THRB: variants seen among roughly 807,000 people sequenced by gnomAD.
The protein encoded by THRB is thyroid hormone receptor beta.
In THRB, 12 loss-of-function variants were observed where a neutral mutation model predicts 47.8. That is an observed-to-expected ratio of 0.25 (90% confidence interval 0.16 to 0.41). The LOEUF (loss-of-function observed/expected upper bound fraction) is 0.41, where lower values mean the gene tolerates loss of function less well. Ranked by LOEUF, THRB falls within the 10% of genes least tolerant of loss-of-function variation. THRB has a pLI of 1.00. For synonymous variants in THRB, 218 were observed against 212.2 expected, an observed-to-expected ratio of 1.03 and a Z score of -0.24; for missense variants, 348 against 589.2, an observed-to-expected ratio of 0.59 and a Z score of 4.24.
chr3:24,118,768 T>C lies in THRB; in HGVS notation c.*4116A>G, dbSNP rs980720098. 5 of 152,654 alleles carry C rather than the reference T, an allele frequency of 3.3e-5. No individual in the cohort carries two copies. Among genetic ancestry groups the C allele is most frequent in the Non-Finnish European group, 5.9e-5 (4 of 68,046 alleles). 9.5% of individuals were successfully genotyped at this position (152,654 alleles called of 1,614,324 possible). A position where few individuals can be genotyped will look rare whatever the true frequency, so the allele number is the denominator to read the frequency against. ...CATCCTGAGGAGGACAGATTTATATTTGATTGTCTTGTGCATAGGGTGGGT... is the reference window on the plus strand; with the variant it reads ...CATCCTGAGGAGGACAGATTTATATCTGATTGTCTTGTGCATAGGGTGGGT... On this transcript the variant is annotated 3_prime_UTR_variant, in exon 11 of 11. Transcript: ENST00000646209.
chr3:24,472,744 A>G (rs1694892444), intron 1 of THRB, among the ~76,000 whole-genome samples: 1 of 152,196 alleles, frequency 6.6e-6, no homozygotes, highest in African/African-American at 2.4e-5. Context: ...ATGGAAGGGA[A>G]CACTATTCAG....
At chr3:24,439,290 G>T (rs2071292600) in intron 1 of THRB, among the ~76,000 whole-genome samples, 1 of 152,140 alleles carries the variant, frequency 6.6e-6, no homozygotes, top group South Asian at 2.1e-4. Flanking sequence ...AGGGCAAGGG[G>T]ACTAGCCCTG....
intron 3 of THRB, among the ~76,000 whole-genome samples, chr3:24,234,371 A>G (rs1207374462): frequency 6.6e-6 from 1 of 152,152 alleles, no homozygotes; most frequent in Middle Eastern, 3.2e-3. Context: ...ATATAAGTTG[A>G]TGTAAATGTG....
At position 24,384,971 on chromosome 3, in the gene THRB, T is replaced by G. The variant is rs1022230058; in HGVS notation, c.-260-47600A>C. Among the ~76,000 whole-genome samples, 3 of 152,148 alleles carry G rather than the reference T, an allele frequency of 2.0e-5. No individual in the cohort carries two copies. The East Asian group carries it at 5.8e-4, about 29-fold the overall frequency. ...CATTGAGCCACAGATTGATGACTTG[T>G]GCACTGCATGAATATACTACTTCAA... On this transcript the variant is annotated intron_variant, in intron 1 of 10. Transcript: ENST00000646209.
In THRB at chr3:24,437,044, A is replaced by AT. The variant is rs1227361309; in HGVS notation, c.-261+57607dup. ...GTGCATGGACCTGGCACTTTTCTCCATTATCATAAAAATGTGTATATATAT... is the reference window on the plus strand; with the variant it reads ...GTGCATGGACCTGGCACTTTTCTCCATTTATCATAAAAATGTGTATATATAT... On this transcript the variant is annotated intron_variant, in intron 1 of 10. Coordinates refer to ENST00000646209, the MANE Select transcript of THRB (RefSeq NM_001354712.2). Among the ~76,000 whole-genome samples the AT allele has an allele frequency of 3.3e-5, 5 of 151,182 alleles. No homozygotes were observed. The East Asian group carries it at 9.7e-4, about 29-fold the overall frequency.
intron 8 of THRB, 51 bp downstream of exon 8, chr3:24,143,450 G>C (rs991521862): frequency 6.4e-7 from 1 of 1,554,790 alleles, no homozygotes. Context: ...ATAAATTGAG[G>C]TAGAAAACAC....
chr3:24,260,290 A>T (rs2051818074), intron 3 of THRB, among the ~76,000 whole-genome samples: 1 of 152,194 alleles, frequency 6.6e-6, no homozygotes. Flanking sequence ...CTAGCCAGGC[A>T]GCCCTTGCCG....
chr3:24,264,072 G>T (rs1183432984), intron 3 of THRB, among the ~76,000 whole-genome samples: 1 of 152,142 alleles, frequency 6.6e-6, no homozygotes, highest in African/African-American at 2.4e-5. Context: ...ACCAAACCCT[G>T]CAATGCTTTC....
chr3:24,243,379 CCT>C (rs1190085492), intron 3 of THRB, among the ~76,000 whole-genome samples: 1 of 152,112 alleles, frequency 6.6e-6, no homozygotes, highest in East Asian at 1.9e-4. Flanking sequence ...GCCCCATCTG[CCT>C]CTCTGTCTCT....
Position 24,164,448 on chromosome 3 carries a change from C to T in THRB, c.284-11958G>A, listed in dbSNP as rs2039346457. Among the ~76,000 whole-genome samples, 7 of 152,274 alleles carry T rather than the reference C, an allele frequency of 4.6e-5. No homozygotes were observed. In the South Asian group the frequency reaches 1.2e-3, roughly 27 times the overall value. On this transcript the variant is annotated intron_variant, in intron 5 of 10. Coordinates refer to ENST00000646209, the MANE Select transcript of THRB (RefSeq NM_001354712.2). The stretch of plus-strand genomic sequence containing the variant: ...CTCAGTTTTTGAGTTTTACATCTTA[C>T]AGTTTGACATGGTTACAAATAGATT...
At chr3:24,201,326 G>A (rs1361362331) in intron 4 of THRB, among the ~76,000 whole-genome samples, 1 of 152,100 alleles carries the variant, frequency 6.6e-6, no homozygotes, top group Non-Finnish European at 1.5e-5. Context: ...TGGGTCAGGT[G>A]TGCCCCCTGC....
At chr3:24,304,345 C>T (rs996333137) in intron 2 of THRB, among the ~76,000 whole-genome samples, 16 of 151,798 alleles carry the variant, frequency 1.1e-4, no homozygotes, top group African/African-American at 3.6e-4. Flanking sequence ...AATCTTAGAT[C>T]GTAAGCAAAT....
intron 1 of THRB, among the ~76,000 whole-genome samples, chr3:24,433,908 T>C (rs1403332160): frequency 6.6e-6 from 1 of 152,180 alleles, no homozygotes; most frequent in Non-Finnish European, 1.5e-5. Flanking sequence ...TGACAGCTGC[T>C]CGACTTCTCT....
intron 1 of THRB, among the ~76,000 whole-genome samples, chr3:24,353,061 G>A (rs2063457380): frequency 6.6e-6 from 1 of 151,926 alleles, no homozygotes; most frequent in African/African-American, 2.4e-5. Context: ...ATTCAACAAG[G>A]AGAGCAGGCA....
At chr3:24,464,805 C>T (rs1292326146) in intron 1 of THRB, among the ~76,000 whole-genome samples, 1 of 152,034 alleles carries the variant, frequency 6.6e-6, no homozygotes. Flanking sequence ...AATTTGTAAA[C>T]CAACCAAAAT....
chr3:24,189,429 C>T (rs778176621), intron 5 of THRB, among the ~76,000 whole-genome samples: 10 of 152,110 alleles, frequency 6.6e-5, no homozygotes, highest in African/African-American at 1.7e-4. Context: ...GACAATAAAG[C>T]GATCAGCACA....
rs73823268 is a variant in THRB, at chr3:24,260,289, C to T, written c.-42-31288G>A. Among the ~76,000 whole-genome samples the T allele has an allele frequency of 8.7e-3, 1,322 of 152,268 alleles. 24 individuals carry two copies. Among genetic ancestry groups the T allele is most frequent in the African/African-American group, 0.03 (1,238 of 41,562 alleles). ...ACCAGTTTGTGTCTTACTAGCCAGG[C>T]AGCCCTTGCCGTATCCAGCACTCTG... On this transcript the variant is annotated intron_variant, in intron 3 of 10. Coordinates refer to ENST00000646209, the MANE Select transcript of THRB (RefSeq NM_001354712.2).
intron 5 of THRB, among the ~76,000 whole-genome samples, chr3:24,158,324 T>C (rs1445052822): frequency 6.6e-6 from 1 of 152,214 alleles, no homozygotes; most frequent in Non-Finnish European, 1.5e-5. Flanking sequence ...ATTTTTGTTC[T>C]TGCATTATGC....
chr3:24,339,914 G>A (rs1353222356), intron 1 of THRB, among the ~76,000 whole-genome samples: 2 of 152,176 alleles, frequency 1.3e-5, no homozygotes, highest in South Asian at 4.1e-4. Context: ...TTTAATTGGA[G>A]CACAAATATA....
Sources: gnomAD v4.1 joint callset for allele counts (sites outside exome capture counted in the v4.1 genomes callset) on GRCh38, gnomAD v4.1.1 for gene constraint, MANE v1.5 for transcripts, NCBI Gene and HGNC (gene_info 2026-07-23, HGNC 2026-07-21) for gene names.